The following ITPR2 variants were observed in gnomAD, a reference collection of about 807,000 sequenced individuals.
The protein encoded by ITPR2 is inositol 1,4,5-trisphosphate receptor type 2.
ITPR2 carries 207 observed loss-of-function variants against 317.1 expected under a neutral mutation model. The ratio of observed to expected loss-of-function variants is 0.65; its 90% CI spans 0.58 to 0.73. The LOEUF is 0.73. Ranked by LOEUF, ITPR2 falls within the 30% of genes least tolerant of loss-of-function variation. ITPR2 has a pLI of 0.00. For missense variants in ITPR2, 2,613 were observed against 3,284.0 expected, an observed-to-expected ratio of 0.80 and a Z score of 4.99; for synonymous variants, 1,156 against 1,149.1, an observed-to-expected ratio of 1.01 and a Z score of -0.12.
Position 26,339,139 on chromosome 12 carries a change from T to C in ITPR2, c.*258A>G. ...GCCGCTCCCTGCCCTCTCCAGCCTT[T>C]TGGGCAAGCCTTTTCTTCCTGATGC... On this transcript the variant is annotated 3_prime_UTR_variant, in exon 57 of 57. Transcript: ENST00000381340. The C allele has an allele frequency of 2.6e-6, 1 of 387,954 alleles. No homozygotes were observed. The highest frequency in any genetic ancestry group is 4.7e-6 in the Non-Finnish European group (1 of 213,918). The allele number at this position is 387,954 out of a possible 1,614,324, so 24.0% of individuals were successfully genotyped here. A position where few individuals can be genotyped will look rare whatever the true frequency, so the allele number is the denominator to read the frequency against.
intron 21 of ITPR2, among the ~76,000 whole-genome samples, chr12:26,632,890 A>G (rs1946785515): frequency 6.6e-6 from 1 of 152,216 alleles, no homozygotes; most frequent in South Asian, 2.1e-4. Context: ...CCTCCTTAAC[A>G]CTATGACAAT....
At chr12:26,811,545 A>C (rs973240822) in intron 1 of ITPR2, among the ~76,000 whole-genome samples, 3 of 152,002 alleles carry the variant, frequency 2.0e-5, no homozygotes, top group African/African-American at 7.2e-5. Flanking sequence ...GGAGATCGAG[A>C]CCACCCTGGC....
intron 46 of ITPR2, among the ~76,000 whole-genome samples, chr12:26,443,257 A>C (rs145013739): frequency 2.6e-5 from 4 of 152,270 alleles, no homozygotes; most frequent in African/African-American, 9.6e-5. Context: ...CCCATCTCTC[A>C]AACGCTATTG....
At chr12:26,438,919 G>C (rs1408277892) in intron 47 of ITPR2, among the ~76,000 whole-genome samples, 1 of 152,186 alleles carries the variant, frequency 6.6e-6, no homozygotes, top group Non-Finnish European at 1.5e-5. Flanking sequence ...GATGTAATTA[G>C]TTAGGGCTTT....
chr12:26,524,558 T>C (rs1020631012), intron 37 of ITPR2, among the ~76,000 whole-genome samples: 1 of 152,176 alleles, frequency 6.6e-6, no homozygotes, highest in South Asian at 2.1e-4. Context: ...TGAAATACAA[T>C]ACATGCTAAA....
intron 39 of ITPR2, among the ~76,000 whole-genome samples, chr12:26,490,595 C>G (rs370886760): frequency 6.6e-6 from 1 of 151,916 alleles, no homozygotes; most frequent in Non-Finnish European, 1.5e-5. Flanking sequence ...GGTGGATCAC[C>G]TGAGGTCAGG....
intron 55 of ITPR2, among the ~76,000 whole-genome samples, chr12:26,386,233 T>C (rs922219682): frequency 2.0e-5 from 3 of 152,100 alleles, no homozygotes; most frequent in Non-Finnish European, 4.4e-5. Context: ...TCCTCTGATT[T>C]AAAAGGAGGA....
chr12:26,435,983 T>C (rs959484589), intron 48 of ITPR2, among the ~76,000 whole-genome samples: 1 of 152,200 alleles, frequency 6.6e-6, no homozygotes, highest in Non-Finnish European at 1.5e-5. Context: ...AATCTTTTCA[T>C]TGCTTTATTT....
chr12:26,347,532 G>A (rs1203903187), intron 55 of ITPR2, among the ~76,000 whole-genome samples: 1 of 152,172 alleles, frequency 6.6e-6, no homozygotes, highest in African/African-American at 2.4e-5. Context: ...ACTTGCCCAA[G>A]GTCATATAGG....
intron 1 of ITPR2, among the ~76,000 whole-genome samples, chr12:26,805,523 T>C (rs1291328360): frequency 6.6e-6 from 1 of 152,052 alleles, no homozygotes; most frequent in Non-Finnish European, 1.5e-5. Context: ...AATTTAAATA[T>C]CTTCACAAAG....
chr12:26,437,212 C>A (rs1195342480), intron 47 of ITPR2, among the ~76,000 whole-genome samples: 1 of 152,150 alleles, frequency 6.6e-6, no homozygotes, highest in East Asian at 1.9e-4. Flanking sequence ...CTTGTCCATT[C>A]TCTAACTTTT....
At chr12:26,747,494 G>A (rs112686709) in intron 2 of ITPR2, among the ~76,000 whole-genome samples, 80 of 152,282 alleles carry the variant, frequency 5.3e-4, no homozygotes, top group African/African-American at 1.7e-3. Flanking sequence ...CCCTAATGTA[G>A]GTTTATCAAC....
At chr12:26,633,253 C>T (rs976080042) in intron 21 of ITPR2, among the ~76,000 whole-genome samples, 2 of 152,114 alleles carry the variant, frequency 1.3e-5, no homozygotes, top group African/African-American at 4.8e-5. Flanking sequence ...ACAAGAGAAT[C>T]TGAATGGTCC....
intron 23 of ITPR2, among the ~76,000 whole-genome samples, chr12:26,624,901 C>A (rs1055662545): frequency 2.0e-5 from 3 of 151,828 alleles, no homozygotes; most frequent in Non-Finnish European, 4.4e-5. Context: ...TTTATGGAGG[C>A]ACTATTTACA....
chr12:26,385,647 C>T (rs1939643428), intron 55 of ITPR2, among the ~76,000 whole-genome samples: 1 of 152,190 alleles, frequency 6.6e-6, no homozygotes, highest in African/African-American at 2.4e-5. Context: ...CAGAGTTTCC[C>T]TATAAGTGGA....
chr12:26,706,584 C>T (rs1284485623), intron 9 of ITPR2, among the ~76,000 whole-genome samples: 2 of 152,124 alleles, frequency 1.3e-5, no homozygotes, highest in Non-Finnish European at 2.9e-5. Context: ...TCTCTGACCC[C>T]CTGACCATTT....
intron 37 of ITPR2, among the ~76,000 whole-genome samples, chr12:26,503,643 A>C (rs1943122758): frequency 6.6e-6 from 1 of 152,236 alleles, no homozygotes; most frequent in Admixed American, 6.5e-5. Context: ...TGTGATCTAA[A>C]GAATTTTAAT....
At chr12:26,405,186 A>G (rs1178592692) in intron 52 of ITPR2, among the ~76,000 whole-genome samples, 1 of 152,074 alleles carries the variant, frequency 6.6e-6, no homozygotes, top group Non-Finnish European at 1.5e-5. Flanking sequence ...GGAGGGAGAG[A>G]ACATGTTGCT....
At chr12:26,717,879 T>C (rs1475406634) in intron 5 of ITPR2, among the ~76,000 whole-genome samples, 1 of 152,184 alleles carries the variant, frequency 6.6e-6, no homozygotes, top group African/African-American at 2.4e-5. Context: ...CAACATGACA[T>C]AAGCATATTC....
Sources: gnomAD v4.1 joint callset for allele counts (sites outside exome capture counted in the v4.1 genomes callset) on GRCh38, gnomAD v4.1.1 for gene constraint, MANE v1.5 for transcripts, NCBI Gene and HGNC (gene_info 2026-07-23, HGNC 2026-07-21) for gene names.